Variants in FAM174A observed in about 807,000 individuals in gnomAD.
The protein encoded by FAM174A is family with sequence similarity 174 member A.
FAM174A carries 14 observed loss-of-function variants against 14.3 expected under a neutral mutation model. The observed-to-expected ratio is 0.98, with a 90% CI of 0.65 to 1.53. The LOEUF is 1.53. Among genes scored for constraint, FAM174A ranks in the 40% most tolerant of loss-of-function variants. The pLI, the probability that FAM174A is intolerant of heterozygous loss-of-function variation, is 0.00. For synonymous variants in FAM174A, 108 were observed against 111.4 expected (o/e 0.97, Z 0.19); for missense variants, 241 against 249.6 (o/e 0.97, Z 0.23).
chr5:100,537,563 G>A lies in FAM174A; in HGVS notation c.434+1599G>A, dbSNP rs567865522. ...AATGTAAAGAAATCCAAAACAGCAG[G>A]CGTAAGCAATATTTGAGAACCACAG... On this transcript the variant is annotated intron_variant, in intron 1 of 2. Transcript: ENST00000312637. 2.9e-4 allele frequency among the ~76,000 whole-genome samples: 44 copies of A among 152,180 alleles called. 1 individual carries two copies. The South Asian group carries it at 7.5e-3, about 26-fold the overall frequency.
At chr5:100,567,947 T>A (rs1032974373) in intron 2 of FAM174A, among the ~76,000 whole-genome samples, 1 of 152,000 alleles carries the variant, frequency 6.6e-6, no homozygotes, top group African/African-American at 2.4e-5. Context: ...CATGAAAATA[T>A]CATATTTCTC....
intron 2 of FAM174A, among the ~76,000 whole-genome samples, chr5:100,575,022 T>C (rs190326): frequency 0.57 from 87,290 of 151,994 alleles, 27,680 homozygotes; most frequent in African/African-American, 0.83. Flanking sequence ...CAAATGACTT[T>C]GTCTGCAATA....
intron 2 of FAM174A, chr5:100,581,320 A>G: frequency 1.1e-6 from 1 of 947,632 alleles, no homozygotes; most frequent in Non-Finnish European, 1.3e-6. Context: ...CTTTTCTCAT[A>G]CCATATTGAT....
chr5:100,536,185 A>T (rs1035658028), intron 1 of FAM174A, among the ~76,000 whole-genome samples: 2 of 152,182 alleles, frequency 1.3e-5, no homozygotes, highest in Non-Finnish European at 2.9e-5. Flanking sequence ...CCTACCTCCA[A>T]ATCTCTTCAT....
intron 1 of FAM174A, among the ~76,000 whole-genome samples, chr5:100,556,556 G>C (rs1746388651): frequency 6.6e-6 from 1 of 152,112 alleles, no homozygotes; most frequent in Non-Finnish European, 1.5e-5. Context: ...TCACGATATT[G>C]ATTCTTCCTA....
intron 2 of FAM174A, among the ~76,000 whole-genome samples, chr5:100,580,426 G>T (rs570477420): frequency 6.6e-6 from 1 of 152,286 alleles, no homozygotes; most frequent in African/African-American, 2.4e-5. Context: ...TAAGCCATGT[G>T]CAGGCTGAGG....
At chr5:100,543,786 T>C (rs922115712) in intron 1 of FAM174A, among the ~76,000 whole-genome samples, 1 of 152,184 alleles carries the variant, frequency 6.6e-6, no homozygotes, top group South Asian at 2.1e-4. Flanking sequence ...ACTATATTTT[T>C]ATGCAAGTAC....
chr5:100,569,214 A>G (rs950607689), intron 2 of FAM174A, among the ~76,000 whole-genome samples: 1 of 151,830 alleles, frequency 6.6e-6, no homozygotes, highest in Non-Finnish European at 1.5e-5. Context: ...GTAATATGCT[A>G]TATATGCTGT....
At chr5:100,569,312 T>A (rs1746726915) in intron 2 of FAM174A, among the ~76,000 whole-genome samples, 2 of 151,930 alleles carry the variant, frequency 1.3e-5, no homozygotes, top group South Asian at 4.1e-4. Context: ...TATGTAGCTA[T>A]AAGTCATGCC....
At chr5:100,577,003 C>G (rs1181175699) in intron 2 of FAM174A, among the ~76,000 whole-genome samples, 1 of 152,092 alleles carries the variant, frequency 6.6e-6, no homozygotes, top group East Asian at 1.9e-4. Context: ...GAGACAAATT[C>G]TCATAAGCAG....
chr5:100,568,179 T>A (rs1355891586), intron 2 of FAM174A, among the ~76,000 whole-genome samples: 1 of 151,978 alleles, frequency 6.6e-6, no homozygotes, highest in Non-Finnish European at 1.5e-5. Context: ...GGTTCATAAT[T>A]CATTGCTGTA....
At chr5:100,545,131 A>G (rs1334331096) in intron 1 of FAM174A, among the ~76,000 whole-genome samples, 1 of 152,158 alleles carries the variant, frequency 6.6e-6, no homozygotes, top group African/African-American at 2.4e-5. Flanking sequence ...TCTCTTCTAT[A>G]TTATTGCATT....
Position 100,562,086 on chromosome 5 carries a change from A to G in FAM174A, c.467A>G (p.Tyr156Cys). 6.3e-7 allele frequency: 1 copy of G among 1,583,904 alleles called. No homozygotes were observed. Among genetic ancestry groups the G allele is most frequent in the Non-Finnish European group, 8.6e-7 (1 of 1,165,258 alleles). The change falls in exon 2 of 3, where the codon TAT becomes TGT. Residue 156 changes from tyrosine (Y) to cysteine (C), a missense_variant. Tyr to Cys is a radical substitution (Grantham distance 194). Coordinates refer to ENST00000312637, the MANE Select transcript of FAM174A (RefSeq NM_198507.3). ...AGAAGAAACCGAAAGACTAGGAGATATGGAGTTTTGGACACTAACATAGAA... is the reference window on the plus strand; with the variant it reads ...AGAAGAAACCGAAAGACTAGGAGATGTGGAGTTTTGGACACTAACATAGAA... ...MRRRNRKTRR[Y>C]GVLDTNIENM...
At chr5:100,579,892 C>T (rs1428502462) in intron 2 of FAM174A, among the ~76,000 whole-genome samples, 1 of 152,150 alleles carries the variant, frequency 6.6e-6, no homozygotes, top group African/African-American at 2.4e-5. Context: ...TCCAGGGTAT[C>T]TTTCCATCTT....
intron 1 of FAM174A, among the ~76,000 whole-genome samples, chr5:100,547,678 T>A (rs1220699908): frequency 2.6e-5 from 4 of 152,086 alleles, no homozygotes; most frequent in African/African-American, 9.7e-5. Context: ...CCTGAAAGAT[T>A]CTTAAAGGGT....
At chr5:100,580,236 C>G (rs530278857) in intron 2 of FAM174A, among the ~76,000 whole-genome samples, 6 of 151,526 alleles carry the variant, frequency 4.0e-5, no homozygotes, top group African/African-American at 1.4e-4. Context: ...AAAGATGCAT[C>G]TGAAGTTCAG....
chr5:100,557,500 C>T (rs1746416837), intron 1 of FAM174A, among the ~76,000 whole-genome samples: 1 of 152,124 alleles, frequency 6.6e-6, no homozygotes, highest in Admixed American at 6.5e-5. Context: ...GGAATAGTTT[C>T]AGAAGGAATG....
intron 2 of FAM174A, among the ~76,000 whole-genome samples, chr5:100,570,128 T>TA (rs1746748312): frequency 6.6e-6 from 1 of 151,886 alleles, no homozygotes; most frequent in Admixed American, 6.6e-5. Flanking sequence ...TTTCAGAGTC[T>TA]AAAACACAGA....
At chr5:100,565,605 T>G (rs1746626837) in intron 2 of FAM174A, among the ~76,000 whole-genome samples, 1 of 151,884 alleles carries the variant, frequency 6.6e-6, no homozygotes, top group Non-Finnish European at 1.5e-5. Flanking sequence ...ATTAAAAATA[T>G]AATTACCTTA....
Sources: allele counts gnomAD v4.1 joint callset (sites outside exome capture counted in the v4.1 genomes callset), GRCh38; gene constraint gnomAD v4.1.1; transcripts MANE v1.5; gene names NCBI Gene and HGNC (gene_info 2026-07-23, HGNC 2026-07-21).